Variants in DCC observed in about 807,000 individuals in gnomAD.
DCC encodes DCC netrin 1 receptor.
In DCC, 58 loss-of-function variants were observed where a neutral mutation model predicts 172.5. The ratio of observed to expected loss-of-function variants is 0.34; its 90% CI spans 0.27 to 0.42. DCC has a LOEUF of 0.42. DCC is among the 10% of genes least tolerant of loss of function. The probability of loss-of-function intolerance (pLI) is 1.00; values close to 1 mark genes in which losing one functional copy is unlikely to be tolerated. For synonymous variants in DCC, 709 were observed against 644.5 expected (o/e 1.10, Z -1.52); for missense variants, 1,740 against 1,791.0 (o/e 0.97, Z 0.51).
At chr18:52,628,113 G>A (rs1029304146) in intron 1 of DCC, among the ~76,000 whole-genome samples, 9 of 152,090 alleles carry the variant, frequency 5.9e-5, no homozygotes, top group Non-Finnish European at 1.3e-4. Flanking sequence ...ATTTGAGATG[G>A]CATCAACTGT....
chr18:53,012,994 G>C (rs2041752684), intron 5 of DCC, among the ~76,000 whole-genome samples: 1 of 152,140 alleles, frequency 6.6e-6, no homozygotes, highest in Admixed American at 6.5e-5. Flanking sequence ...CTGGTCATTA[G>C]AGAAATGCAA....
At chr18:53,373,346 T>C (rs2058078307) in intron 15 of DCC, among the ~76,000 whole-genome samples, 1 of 152,092 alleles carries the variant, frequency 6.6e-6, no homozygotes, top group Non-Finnish European at 1.5e-5. Context: ...TCATTTATGT[T>C]AAGTCCATTT....
chr18:53,071,324 A>T (rs1372657047), intron 7 of DCC, among the ~76,000 whole-genome samples: 2 of 152,224 alleles, frequency 1.3e-5, no homozygotes, highest in East Asian at 3.8e-4. Context: ...GCTAGGGAAA[A>T]ATATTTGAAA....
intron 1 of DCC, among the ~76,000 whole-genome samples, chr18:52,527,827 G>C (rs1300493787): frequency 1.3e-5 from 2 of 152,142 alleles, no homozygotes; most frequent in Non-Finnish European, 2.9e-5. Flanking sequence ...CATGTACGAG[G>C]GCATTAGGTC....
chr18:52,717,430 C>T (rs866657907), intron 1 of DCC, among the ~76,000 whole-genome samples: 74 of 123,370 alleles, frequency 6.0e-4, no homozygotes, highest in East Asian at 1.7e-3. Flanking sequence ...TTCTAAATTT[C>T]TTTTTTTTTT....
At chr18:53,082,555 A>C (rs115162964) in intron 7 of DCC, among the ~76,000 whole-genome samples, 3,853 of 152,222 alleles carry the variant, frequency 0.025, 166 homozygotes, top group African/African-American at 0.087. Context: ...AAGACTTTAT[A>C]ATTGTTTTTG....
chr18:52,924,463 A>G (rs557729367), intron 4 of DCC, among the ~76,000 whole-genome samples: 1 of 152,146 alleles, frequency 6.6e-6, no homozygotes, highest in South Asian at 2.1e-4. Flanking sequence ...GCTATAACAA[A>G]TATTTAAGGG....
chr18:53,001,985 T>G (rs990511633), intron 5 of DCC, among the ~76,000 whole-genome samples: 1 of 152,102 alleles, frequency 6.6e-6, no homozygotes, highest in Non-Finnish European at 1.5e-5. Context: ...ATACTTACTT[T>G]CATGGTTCTG....
At chr18:53,143,323 T>G (rs1356532531) in intron 7 of DCC, among the ~76,000 whole-genome samples, 1 of 152,186 alleles carries the variant, frequency 6.6e-6, no homozygotes, top group Non-Finnish European at 1.5e-5. Flanking sequence ...GAAGGCAGTA[T>G]AGCCAGTGTG....
intron 1 of DCC, among the ~76,000 whole-genome samples, chr18:52,751,137 T>G (rs1394853533): frequency 6.6e-6 from 1 of 152,164 alleles, no homozygotes; most frequent in Non-Finnish European, 1.5e-5. Context: ...CCCCAAAGAT[T>G]GTTCAAAATG....
intron 1 of DCC, among the ~76,000 whole-genome samples, chr18:52,561,461 T>A (rs560845853): frequency 6.6e-6 from 1 of 152,156 alleles, no homozygotes; most frequent in African/African-American, 2.4e-5. Flanking sequence ...CACACATATA[T>A]ATATATATAC....
chr18:52,594,122 TATA>T (rs1426160364), intron 1 of DCC, among the ~76,000 whole-genome samples: 1 of 152,180 alleles, frequency 6.6e-6, no homozygotes, highest in African/African-American at 2.4e-5. Flanking sequence ...GAGAAAAGGC[TATA>T]ATAAGTCATA....
chr18:53,147,798 C>T (rs1034067842), intron 7 of DCC, among the ~76,000 whole-genome samples: 6 of 152,190 alleles, frequency 3.9e-5, no homozygotes, highest in African/African-American at 1.4e-4. Context: ...GCTATCCTGA[C>T]ACCATATCCT....
chr18:52,851,049 C>A (rs1279116093), intron 2 of DCC, among the ~76,000 whole-genome samples: 1 of 152,044 alleles, frequency 6.6e-6, no homozygotes, highest in Non-Finnish European at 1.5e-5. Flanking sequence ...GCTAAAAAGT[C>A]AGTAAGTAGA....
At chr18:53,521,867 A>G (rs557889334) in intron 27 of DCC, among the ~76,000 whole-genome samples, 3 of 152,262 alleles carry the variant, frequency 2.0e-5, no homozygotes, top group South Asian at 2.1e-4. Context: ...GAAAAAATAT[A>G]TAGAGACAAA....
chr18:52,343,824 A>G (rs1568124748), intron 1 of DCC, among the ~76,000 whole-genome samples: 1 of 152,202 alleles, frequency 6.6e-6, no homozygotes. Context: ...CATTCCCCCA[A>G]CCAAAGCAGA....
chr18:52,451,660 A>T (rs1039663715), intron 1 of DCC, among the ~76,000 whole-genome samples: 1 of 152,060 alleles, frequency 6.6e-6, no homozygotes, highest in African/African-American at 2.4e-5. Context: ...ATACATCCTA[A>T]GAGAAGTGTG....
chr18:52,364,225 A>G (rs1479758935), intron 1 of DCC, among the ~76,000 whole-genome samples: 1 of 152,254 alleles, frequency 6.6e-6, no homozygotes, highest in Non-Finnish European at 1.5e-5. Context: ...TTCATAGAAT[A>G]AATTGCATAT....
At chr18:52,500,663 A>G (rs1169815061) in intron 1 of DCC, among the ~76,000 whole-genome samples, 3 of 152,218 alleles carry the variant, frequency 2.0e-5, no homozygotes, top group Non-Finnish European at 4.4e-5. Context: ...ATTAACTTGT[A>G]TCATTTGAAA....
Sources: allele counts gnomAD v4.1 joint callset (sites outside exome capture counted in the v4.1 genomes callset), GRCh38; gene constraint gnomAD v4.1.1; transcripts MANE v1.5; gene names NCBI Gene and HGNC (gene_info 2026-07-23, HGNC 2026-07-21).